RGS6: variants seen among roughly 807,000 people sequenced by gnomAD.
The protein encoded by RGS6 is regulator of G-protein signaling 6.
A neutral mutation model predicts 78.5 loss-of-function variants in RGS6; 30 were observed. The ratio of observed to expected loss-of-function variants is 0.38; its 90% CI spans 0.29 to 0.52. The LOEUF is 0.52. Among genes scored for constraint, RGS6 ranks in the 20% least tolerant of loss-of-function variants. The pLI is 0.85. For missense variants in RGS6, 495 were observed against 609.7 expected (o/e 0.81, Z 1.98); for synonymous variants, 206 against 206.0 (o/e 1.00, Z 0.00).
chr14:72,307,858 G>A (rs1002008636), intron 2 of RGS6, among the ~76,000 whole-genome samples: 3 of 152,106 alleles, frequency 2.0e-5, no homozygotes, highest in African/African-American at 7.2e-5. Flanking sequence ...ACTGTGACAT[G>A]CATGTTATTT....
intron 2 of RGS6, among the ~76,000 whole-genome samples, chr14:72,326,711 T>C (rs1301273639): frequency 6.6e-6 from 1 of 152,214 alleles, no homozygotes; most frequent in African/African-American, 2.4e-5. Flanking sequence ...GGTATTTTTT[T>C]CTTTCTTTTG....
At chr14:71,905,941 T>A in the RGS6 span, among the ~76,000 whole-genome samples, 1 of 152,196 alleles carries the variant, frequency 6.6e-6, no homozygotes, top group African/African-American at 2.4e-5. Context: ...GGCTTGTTGA[T>A]AATTGTGATA....
chr14:72,271,215 G>A (rs2153918981), intron 2 of RGS6, among the ~76,000 whole-genome samples: 1 of 152,308 alleles, frequency 6.6e-6, no homozygotes, highest in East Asian at 1.9e-4. Flanking sequence ...ATAAAGGAAA[G>A]AGGTTTAATG....
rs561124309 is a variant in RGS6 at position 72,123,827 on chromosome 14, C to A, written c.84+158952C>A. Among the ~76,000 whole-genome samples the A allele has an allele frequency of 1.0e-3, 154 of 152,254 alleles. No homozygotes were observed. In the Middle Eastern group the frequency reaches 0.01, roughly 10 times the overall value. Reference sequence around the variant, plus strand: ...ATTTCTCCAAACTTTGAAAAACATTCTGAAGCTTCAGGTTAAAAATATGTA... The same window carrying A: ...ATTTCTCCAAACTTTGAAAAACATTATGAAGCTTCAGGTTAAAAATATGTA... On this transcript the variant is annotated intron_variant, in intron 2 of 17. Transcript: ENST00000553525.
chr14:72,314,338 A>G (rs2069472837), intron 2 of RGS6, among the ~76,000 whole-genome samples: 2 of 152,190 alleles, frequency 1.3e-5, no homozygotes, highest in Non-Finnish European at 2.9e-5. Context: ...GGGTCCAGGC[A>G]TCACAACATG....
At chr14:71,888,270 A>G in the RGS6 span, among the ~76,000 whole-genome samples, 1 of 152,036 alleles carries the variant, frequency 6.6e-6, no homozygotes, top group Non-Finnish European at 1.5e-5. Context: ...AACAAACAAA[A>G]TACAAAAATT....
intron 2 of RGS6, among the ~76,000 whole-genome samples, chr14:72,247,247 A>G (rs2054465756): frequency 6.6e-6 from 1 of 152,150 alleles, no homozygotes; most frequent in Non-Finnish European, 1.5e-5. Context: ...GATAGAATGT[A>G]AGCTCCCTGA....
intron 2 of RGS6, among the ~76,000 whole-genome samples, chr14:72,177,096 A>G (rs1307550232): frequency 6.6e-6 from 1 of 152,222 alleles, no homozygotes; most frequent in Non-Finnish European, 1.5e-5. Flanking sequence ...ATTCCACAGC[A>G]TGAATAAACC....
At chr14:71,888,451 A>G in the RGS6 span, among the ~76,000 whole-genome samples, 1 of 151,610 alleles carries the variant, frequency 6.6e-6, no homozygotes, top group Non-Finnish European at 1.5e-5. Context: ...AAGAAGAAAA[A>G]GAGAAGGGGG....
intron 2 of RGS6, among the ~76,000 whole-genome samples, chr14:72,064,294 A>T (rs1016259245): frequency 6.6e-6 from 1 of 152,168 alleles, no homozygotes; most frequent in African/African-American, 2.4e-5. Flanking sequence ...GGTCAAGTCA[A>T]TGGATCCAGA....
intron 2 of RGS6, among the ~76,000 whole-genome samples, chr14:72,347,416 C>A (rs2239233): frequency 0.6 from 90,641 of 151,734 alleles, 29,045 homozygotes; most frequent in African/African-American, 0.84. Flanking sequence ...GAATCTGATT[C>A]TCTGGGTCAA....
chr14:72,548,342 T>TGTGTGCGCGC (rs796698263), intron 17 of RGS6, among the ~76,000 whole-genome samples: 53 of 134,822 alleles, frequency 3.9e-4, no homozygotes, highest in African/African-American at 1.6e-3. Flanking sequence ...TGTGTGTGTG[T>TGTGTGCGCGC]GCGCGCGTGT....
chr14:72,214,029 G>A (rs2044869394), intron 2 of RGS6, among the ~76,000 whole-genome samples: 1 of 152,082 alleles, frequency 6.6e-6, no homozygotes, highest in South Asian at 2.1e-4. Context: ...TGGCTGACCT[G>A]GCACTAATGC....
chr14:72,567,044 G>A (rs962672517), downstream of RGS6, among the ~76,000 whole-genome samples: 2 of 152,204 alleles, frequency 1.3e-5, no homozygotes, highest in Admixed American at 6.5e-5. Context: ...AGAGGAGGAT[G>A]AGCGCAAGGT....
intron 2 of RGS6, among the ~76,000 whole-genome samples, chr14:72,129,655 C>T (rs567437366): frequency 9.9e-5 from 15 of 152,276 alleles, no homozygotes; most frequent in African/African-American, 3.6e-4. Context: ...CTTCTCAGGG[C>T]CTCTGCTCTT....
chr14:72,521,755 AT>A (rs778511842), intron 15 of RGS6, among the ~76,000 whole-genome samples: 1 of 152,188 alleles, frequency 6.6e-6, no homozygotes, highest in Non-Finnish European at 1.5e-5. Flanking sequence ...AGTTGCTTAA[AT>A]TCCCTGAGTC....
chr14:71,979,176 A>G (rs1276296579), intron 2 of RGS6, among the ~76,000 whole-genome samples: 1 of 146,090 alleles, frequency 6.8e-6, no homozygotes, highest in Admixed American at 6.8e-5. Context: ...TAGTCTTGCT[A>G]GCGGTCTATC....
chr14:72,100,388 G>A (rs750945557), intron 2 of RGS6, among the ~76,000 whole-genome samples: 10 of 152,056 alleles, frequency 6.6e-5, no homozygotes, highest in African/African-American at 1.2e-4. Context: ...CCAGCTACTC[G>A]GGAGGCTGAG....
At chr14:72,447,234 C>T (rs1421560016) in intron 3 of RGS6, among the ~76,000 whole-genome samples, 2 of 152,134 alleles carry the variant, frequency 1.3e-5, no homozygotes, top group African/African-American at 4.8e-5. Flanking sequence ...TACTCCATTA[C>T]CTTCAACTGA....
Sources: gnomAD v4.1 joint callset for allele counts (sites outside exome capture counted in the v4.1 genomes callset) on GRCh38, gnomAD v4.1.1 for gene constraint, MANE v1.5 for transcripts, NCBI Gene and HGNC (gene_info 2026-07-23, HGNC 2026-07-21) for gene names.